The following FILIP1L variants were observed in gnomAD, a reference collection of about 807,000 sequenced individuals.
FILIP1L encodes filamin A-interacting protein 1-like.
A neutral mutation model predicts 96.6 loss-of-function variants in FILIP1L; 55 were observed. The ratio of observed to expected loss-of-function variants is 0.57; its 90% CI spans 0.46 to 0.71. The LOEUF (loss-of-function observed/expected upper bound fraction) is 0.71. FILIP1L is among the 30% of genes least tolerant of loss of function. The pLI, the probability that FILIP1L is intolerant of heterozygous loss-of-function variation, is 0.00. For synonymous variants in FILIP1L, 467 were observed against 473.9 expected (o/e 0.99, Z 0.19); for missense variants, 1,304 against 1,321.2 (o/e 0.99, Z 0.20).
chr3:100,047,715 A>G (rs2065299884), intron 1 of FILIP1L, among the ~76,000 whole-genome samples: 1 of 152,182 alleles, frequency 6.6e-6, no homozygotes, highest in Non-Finnish European at 1.5e-5. Context: ...GCCACTGTCT[A>G]GCTATAGCCT....
At chr3:100,036,312 GA>G (rs199552074) in intron 1 of FILIP1L, among the ~76,000 whole-genome samples, 26 of 151,890 alleles carry the variant, frequency 1.7e-4, no homozygotes, top group Admixed American at 3.9e-4. Flanking sequence ...GCTGTTGGAG[GA>G]AAAAAAAGAT....
At chr3:99,880,990 A>G (rs1263373622) in intron 4 of FILIP1L, among the ~76,000 whole-genome samples, 3 of 152,148 alleles carry the variant, frequency 2.0e-5, no homozygotes, top group East Asian at 1.9e-4. Context: ...GCATGTTTAC[A>G]TATTCTCCCT....
At chr3:100,005,355 C>G (rs1240036481) in intron 1 of FILIP1L, among the ~76,000 whole-genome samples, 1 of 152,160 alleles carries the variant, frequency 6.6e-6, no homozygotes, top group African/African-American at 2.4e-5. Flanking sequence ...TTAGGGGGTT[C>G]AGATTAGGAT....
chr3:100,012,095 T>C (rs1710173284), intron 1 of FILIP1L, among the ~76,000 whole-genome samples: 1 of 152,144 alleles, frequency 6.6e-6, no homozygotes, highest in Admixed American at 6.5e-5. Flanking sequence ...ATCATTGAAC[T>C]CAAAAGTATT....
At chr3:99,950,565 A>T (rs764203692) in intron 1 of FILIP1L, among the ~76,000 whole-genome samples, 1 of 152,062 alleles carries the variant, frequency 6.6e-6, no homozygotes, top group Non-Finnish European at 1.5e-5. Context: ...CATTCATCGG[A>T]TAGTATACTT....
rs1943627117 is a variant in FILIP1L, at chr3:99,850,510, A to G, written c.1166T>C (p.Leu389Pro). Residue 389 changes from leucine to proline, a missense_variant, in exon 5 of 6, where the codon CTC becomes CCC. By Grantham distance (98) the Leu-to-Pro change is moderately conservative. Transcript: ENST00000477258. ...VLDMEGKDEELIKMEEQCRDL... is the reference protein window; with the variant it reads ...VLDMEGKDEEPIKMEEQCRDL... ...TCTGCACTGCTCCTCCATTTTTATG[A>G]GCTCTTCATCTTTCCCTTCCATATC... is the stretch of plus-strand genomic sequence containing the variant. 1 of 1,612,910 alleles carries G rather than the reference A, an allele frequency of 6.2e-7. No homozygotes were observed. The highest frequency in any genetic ancestry group is 8.5e-7 in the Non-Finnish European group (1 of 1,179,802).
chr3:100,067,854 T>C (rs147760192), intron 1 of FILIP1L, among the ~76,000 whole-genome samples: 116 of 152,208 alleles, frequency 7.6e-4, no homozygotes, highest in Admixed American at 1.2e-3. Flanking sequence ...CTGGGTATAG[T>C]ACAATAGGGA....
At chr3:99,908,800 A>G (rs949714851) in intron 4 of FILIP1L, among the ~76,000 whole-genome samples, 4 of 152,222 alleles carry the variant, frequency 2.6e-5, no homozygotes, top group African/African-American at 9.6e-5. Flanking sequence ...GTTATTTACA[A>G]GAGACCTTTC....
intron 5 of FILIP1L, among the ~76,000 whole-genome samples, chr3:99,837,547 T>G (rs950206703): frequency 6.6e-6 from 1 of 152,162 alleles, no homozygotes; most frequent in Non-Finnish European, 1.5e-5. Flanking sequence ...ATTATTGTAT[T>G]GTGAGGGGAG....
chr3:100,107,452 C>T (rs746910395), intron 1 of FILIP1L, among the ~76,000 whole-genome samples: 7 of 152,064 alleles, frequency 4.6e-5, no homozygotes, highest in Admixed American at 1.3e-4. Flanking sequence ...GATGAATCCA[C>T]GGGTGTGTCA....
At chr3:100,092,273 G>A (rs2066123655) in intron 1 of FILIP1L, among the ~76,000 whole-genome samples, 1 of 152,092 alleles carries the variant, frequency 6.6e-6, no homozygotes, top group African/African-American at 2.4e-5. Context: ...TTGACATGCT[G>A]GCTAAAGATG....
At chr3:100,103,353 A>T (rs1458178660) in intron 1 of FILIP1L, among the ~76,000 whole-genome samples, 1 of 152,230 alleles carries the variant, frequency 6.6e-6, no homozygotes, top group East Asian at 1.9e-4. Context: ...AAGCTGCTCC[A>T]TTCTGAAGGT....
intron 1 of FILIP1L, among the ~76,000 whole-genome samples, chr3:100,052,334 T>C (rs2065388317): frequency 6.6e-6 from 1 of 152,202 alleles, no homozygotes. Context: ...AATGGCACAT[T>C]TATGAGAGAT....
At chr3:99,983,464 GTATATATATATATATATATATA>G (rs1191587665) in intron 1 of FILIP1L, among the ~76,000 whole-genome samples, 3 of 12,676 alleles carry the variant, frequency 2.4e-4, no homozygotes, top group Non-Finnish European at 3.4e-4. Flanking sequence ...ATATATGTGT[GTATATATATATATATATATATA>G]TATATATATA....
At chr3:100,068,360 G>A (rs923332606) in intron 1 of FILIP1L, among the ~76,000 whole-genome samples, 1 of 151,774 alleles carries the variant, frequency 6.6e-6, no homozygotes, top group Non-Finnish European at 1.5e-5. Flanking sequence ...CTGTGTGTGT[G>A]TGTGTGTGTG....
chr3:99,864,143 T>C (rs1347896068), intron 4 of FILIP1L, among the ~76,000 whole-genome samples: 1 of 152,206 alleles, frequency 6.6e-6, no homozygotes, highest in Non-Finnish European at 1.5e-5. Context: ...AACAGTAAGA[T>C]TATTTGACTT....
At chr3:100,019,879 G>T (rs1482020297) in intron 1 of FILIP1L, among the ~76,000 whole-genome samples, 5 of 152,056 alleles carry the variant, frequency 3.3e-5, no homozygotes, top group Non-Finnish European at 7.4e-5. Context: ...ATTCCAGAAA[G>T]CTACAGTGAC....
intron 5 of FILIP1L, among the ~76,000 whole-genome samples, chr3:99,843,434 T>C (rs1195363899): frequency 6.6e-6 from 1 of 152,162 alleles, no homozygotes; most frequent in South Asian, 2.1e-4. Context: ...TGCCAGCCAC[T>C]AGAGGGTAGA....
chr3:99,887,793 G>C (rs1391822842), intron 4 of FILIP1L, among the ~76,000 whole-genome samples: 1 of 152,166 alleles, frequency 6.6e-6, no homozygotes, highest in East Asian at 1.9e-4. Context: ...GGAGTGCAGT[G>C]GCACAATCAC....
Sources: allele counts gnomAD v4.1 joint callset (sites outside exome capture counted in the v4.1 genomes callset), GRCh38; gene constraint gnomAD v4.1.1; transcripts MANE v1.5; gene names NCBI Gene and HGNC (gene_info 2026-07-23, HGNC 2026-07-21).